Variants in A4GALT observed in about 807,000 individuals in gnomAD.
A4GALT encodes the protein alpha 1,4-galactosyltransferase (P1PK blood group).
For synonymous variants in A4GALT, 257 were observed against 220.7 expected (o/e 1.16, Z -1.46); for missense variants, 512 against 486.0 (o/e 1.05, Z -0.50).
intron 1 of A4GALT, among the ~76,000 whole-genome samples, chr22:42,698,661 A>G (rs1931098985): frequency 6.6e-6 from 1 of 152,242 alleles, no homozygotes; most frequent in South Asian, 2.1e-4. Context: ...CAAAGGTGTC[A>G]GAGGCGTGTG....
At chr22:42,717,925 G>C (rs1171515045) in intron 1 of A4GALT, among the ~76,000 whole-genome samples, 1 of 152,136 alleles carries the variant, frequency 6.6e-6, no homozygotes, top group Non-Finnish European at 1.5e-5. Context: ...CTCTGACCCA[G>C]GAGTTTCATT....
intron 1 of A4GALT, among the ~76,000 whole-genome samples, chr22:42,715,896 A>T (rs1294591139): frequency 6.7e-6 from 1 of 148,992 alleles, no homozygotes; most frequent in African/African-American, 2.5e-5. Context: ...GCAATGGTGC[A>T]ATCTCAGCTC....
At chr22:42,700,271 C>T (rs1041849166) in intron 1 of A4GALT, among the ~76,000 whole-genome samples, 16 of 152,270 alleles carry the variant, frequency 1.1e-4, no homozygotes, top group Admixed American at 7.8e-4. Flanking sequence ...CAGGTTCAGC[C>T]GACAGCAGGA....
At chr22:42,712,481 C>CAA (rs1921781186) in intron 1 of A4GALT, among the ~76,000 whole-genome samples, 1 of 152,206 alleles carries the variant, frequency 6.6e-6, no homozygotes, top group Non-Finnish European at 1.5e-5. Flanking sequence ...TCTTGCCTGG[C>CAA]AAATGCAATG....
In A4GALT at chr22:42,692,388, AC is replaced by A; in HGVS notation, c.*501del. On this transcript the variant is annotated 3_prime_UTR_variant, in exon 3 of 3. Transcript: ENST00000642412. The surrounding 1 kb of genome is among the most constrained non-coding windows in gnomAD (Gnocchi z 4.6). ...CACTCAGTCCCTGTTGACCTCCCCC[AC>A]CCCCCGCGAAAGAGGAACCAAAACC... is the stretch of plus-strand genomic sequence containing the variant. 2 of 234,054 alleles carry A rather than the reference AC, an allele frequency of 8.5e-6. No individual in the cohort carries two copies. Among genetic ancestry groups the A allele is most frequent in the South Asian group, 7.7e-5 (2 of 26,126 alleles). The allele number at this position is 234,054 out of a possible 1,614,324, so 14.5% of individuals were successfully genotyped here. A position where few individuals can be genotyped will look rare whatever the true frequency, so the allele number is the denominator to read the frequency against.
chr22:42,715,039 T>A (rs1391718381), intron 1 of A4GALT, among the ~76,000 whole-genome samples: 1 of 36,210 alleles, frequency 2.8e-5, no homozygotes. Flanking sequence ...GCAGAGTATG[T>A]GGGGTGGGGG....
intron 2 of A4GALT, 38 bp from the exon 3 acceptor site, chr22:42,694,035 G>A: frequency 8.0e-7 from 1 of 1,252,840 alleles, no homozygotes; most frequent in African/African-American, 1.5e-5. Flanking sequence ...GGAGGCCGTT[G>A]GCATTCCCGA....
intron 1 of A4GALT, among the ~76,000 whole-genome samples, chr22:42,712,504 G>A (rs1281628159): frequency 6.6e-6 from 1 of 152,240 alleles, no homozygotes; most frequent in Non-Finnish European, 1.5e-5. Flanking sequence ...CATGGAAAGG[G>A]CATCTAGAAA....
intron 1 of A4GALT, among the ~76,000 whole-genome samples, chr22:42,706,849 A>C (rs1921189467): frequency 2.0e-5 from 3 of 152,114 alleles, no homozygotes; most frequent in South Asian, 2.1e-4. Context: ...AAATGCAAAC[A>C]AAATGCTGGG....
intron 1 of A4GALT, among the ~76,000 whole-genome samples, chr22:42,700,972 C>T (rs1413159156): frequency 6.6e-6 from 1 of 152,186 alleles, no homozygotes; most frequent in African/African-American, 2.4e-5. Context: ...TGCTCTTTAT[C>T]ATGCTCCCAG....
Position 42,720,796 on chromosome 22 carries a change from C to A in A4GALT, c.-188+1G>T, listed in dbSNP as rs1922661247. On this transcript the variant is annotated splice_donor_variant, in intron 1 of 2. Coordinates refer to ENST00000642412, the MANE Select transcript of A4GALT (RefSeq NM_017436.7). LOFTEE classifies it low-confidence loss of function (5UTR_SPLICE). ...CGCAACATCGGCGCGGCCCCTCGTA[C>A]CTCTAGCTCCAGCGGCGGCGGGCGG... is the stretch of plus-strand genomic sequence containing the variant. 1 of 152,342 alleles carries A rather than the reference C, an allele frequency of 6.6e-6. No homozygotes were observed. The highest frequency in any genetic ancestry group is 1.9e-4 in the East Asian group (1 of 5,146). 9.4% of individuals were successfully genotyped at this position (152,342 alleles called of 1,614,324 possible).
intron 1 of A4GALT, among the ~76,000 whole-genome samples, chr22:42,719,312 A>G (rs1223387725): frequency 1.3e-5 from 2 of 152,202 alleles, no homozygotes; most frequent in African/African-American, 4.8e-5. Context: ...AAAACTAATG[A>G]CAACATTGGG....
In A4GALT at chr22:42,692,937, C is replaced by T. The variant is rs1930559281; in HGVS notation, c.1015G>A (p.Ala339Thr). The change falls in exon 3 of 3, where the codon GCC (alanine) becomes ACC (threonine). Residue 339 changes from alanine to threonine, a missense_variant. Ala to Thr is a moderately conservative substitution (Grantham distance 58, BLOSUM62 0). Transcript: ENST00000642412. The surrounding 1 kb of genome is among the most constrained non-coding windows in gnomAD (Gnocchi z 4.6). ...TCGTGCGTCGTGGGGCAGTAGCGGG[C>T]ATGCAGCTGGGCCAGCAGTGCCCTG... Reference protein sequence around the residue: ...TSRALLAQLHARYCPTTHEAM... With the variant: ...TSRALLAQLHTRYCPTTHEAM... 1.2e-6 allele frequency: 2 copies of T among 1,610,208 alleles called. No individual in the cohort carries two copies. The highest frequency in any genetic ancestry group is 1.3e-5 in the African/African-American group (1 of 74,918).
chr22:42,715,726 T>A (rs958067297), intron 1 of A4GALT, among the ~76,000 whole-genome samples: 60 of 147,388 alleles, frequency 4.1e-4, no homozygotes, highest in African/African-American at 1.4e-3. Context: ...AAATTATATT[T>A]AAAAAAAAAG....
In A4GALT at chr22:42,710,698, AAATAAAT is replaced by A. The variant is rs1921609004; in HGVS notation, c.-188+10092_-188+10098del. On this transcript the variant is annotated intron_variant, in intron 1 of 2. Coordinates refer to ENST00000642412, the MANE Select transcript of A4GALT (RefSeq NM_017436.7). Reference sequence around the variant, plus strand: ...GGCAACAGAGCAAGACTCCAGCTCGAAATAAATAAATAAATAAATAAATAAATAAATA... The same window carrying A: ...GGCAACAGAGCAAGACTCCAGCTCGAAAATAAATAAATAAATAAATAAATA... Among the ~76,000 whole-genome samples the A allele has an allele frequency of 1.9e-4, 3 of 15,830 alleles. No individual in the cohort carries two copies. In the South Asian group the frequency reaches 4.9e-3, roughly 26 times the overall value. 10.4% of individuals were successfully genotyped at this position (15,830 alleles called of 152,430 possible). A position where few individuals can be genotyped will look rare whatever the true frequency, so the allele number is the denominator to read the frequency against.
intron 1 of A4GALT, among the ~76,000 whole-genome samples, chr22:42,714,274 CAAAA>C (rs1163088658): frequency 8.7e-3 from 140 of 16,026 alleles, no homozygotes; most frequent in African/African-American, 0.022. Flanking sequence ...GACTCTGTCT[CAAAA>C]AAAAAAAAAA....
intron 1 of A4GALT, among the ~76,000 whole-genome samples, chr22:42,704,298 T>C (rs1485207022): frequency 6.6e-6 from 1 of 151,972 alleles, no homozygotes; most frequent in Non-Finnish European, 1.5e-5. Flanking sequence ...CTGCCCAATA[T>C]GGTGAAACCC....
intron 1 of A4GALT, among the ~76,000 whole-genome samples, chr22:42,707,152 C>T (rs1379050809): frequency 6.6e-6 from 1 of 152,046 alleles, no homozygotes; most frequent in Non-Finnish European, 1.5e-5. Flanking sequence ...AACTCTCTAC[C>T]CTAGTGATAG....
chr22:42,693,219 T>G lies in A4GALT; in HGVS notation c.733A>C (p.Ile245Leu). 2 of 1,607,158 alleles carry G rather than the reference T, an allele frequency of 1.2e-6. No homozygotes were observed. Among genetic ancestry groups the G allele is most frequent in the Non-Finnish European group, 8.5e-7 (1 of 1,177,620 alleles). The change falls in exon 3 of 3, where the codon ATC becomes CTC. Residue 245 changes from isoleucine (I) to leucine (L), a missense_variant. Coordinates refer to ENST00000642412, the MANE Select transcript of A4GALT (RefSeq NM_017436.7). ...RDFVDHYNGW[I>L]WGHQGPQLLT... ...AGCTGCGGGCCCTGGTGACCCCAGA[T>G]CCAGCCGTTGTAGTGGTCCACGAAG... is the stretch of plus-strand genomic sequence containing the variant.
Sources: gnomAD v4.1 joint callset for allele counts (sites outside exome capture counted in the v4.1 genomes callset) on GRCh38, gnomAD v4.1.1 for gene constraint, Gnocchi (gnomAD v3.1) non-coding constraint, MANE v1.5 for transcripts, NCBI Gene and HGNC (gene_info 2026-07-23, HGNC 2026-07-21) for gene names.